The following ATG7 variants were observed in gnomAD, a reference collection of about 807,000 sequenced individuals.
The protein encoded by ATG7 is autophagy related 7, also known as ubiquitin-like modifier-activating enzyme ATG7.
Under a neutral mutation model 82.4 loss-of-function variants are expected in ATG7, and 70 were observed. The observed-to-expected ratio is 0.85, with a 90% CI of 0.70 to 1.04. The LOEUF (loss-of-function observed/expected upper bound fraction) is 1.04, where lower values mean the gene tolerates loss of function less well. Among genes scored for constraint, ATG7 ranks in the 50% least tolerant of loss-of-function variants. ATG7 has a pLI of 0.00. For synonymous variants in ATG7, 287 were observed against 313.0 expected, an observed-to-expected ratio of 0.92 and a Z score of 0.88; for missense variants, 792 against 864.3, an observed-to-expected ratio of 0.92 and a Z score of 1.05.
downstream of ATG7, among the ~76,000 whole-genome samples, chr3:11,561,556 G>T (rs1387582924): frequency 1.3e-5 from 2 of 152,196 alleles, no homozygotes; most frequent in African/African-American, 4.8e-5. Context: ...CCCAGCTGGA[G>T]TCAGGCATCT....
At position 11,403,182 on chromosome 3, in the gene ATG7, C is replaced by A. The variant is rs558367852; in HGVS notation, c.1956+23130C>A. 1.5e-4 allele frequency among the ~76,000 whole-genome samples: 23 copies of A among 152,256 alleles called. No individual in the cohort carries two copies. The South Asian group carries it at 3.5e-3, about 23-fold the overall frequency. On this transcript the variant is annotated intron_variant, in intron 19 of 20. Coordinates refer to ENST00000693202, the MANE Select transcript of ATG7 (RefSeq NM_001349232.2). Reference sequence around the variant, plus strand: ...ACCAGAAAATCCACCCATTGTAAGACTAGAGTCTGATAATTCGTAGTAAAT... The same window carrying A: ...ACCAGAAAATCCACCCATTGTAAGAATAGAGTCTGATAATTCGTAGTAAAT...
chr3:11,526,833 T>G (rs921713527), intron 20 of ATG7, among the ~76,000 whole-genome samples: 10 of 152,134 alleles, frequency 6.6e-5, no homozygotes, highest in Non-Finnish European at 1.3e-4. Context: ...GAATCTAAAG[T>G]TTTACCATTT....
intron 20 of ATG7, chr3:11,529,359 C>T (rs879546665): frequency 2.0e-5 from 3 of 152,102 alleles, no homozygotes; most frequent in Non-Finnish European, 4.4e-5. Context: ...GCTGCTTGCC[C>T]CTCCTACCAC....
intron 3 of ATG7, among the ~76,000 whole-genome samples, chr3:11,289,347 C>G (rs773083844): frequency 6.6e-6 from 1 of 152,156 alleles, no homozygotes; most frequent in Non-Finnish European, 1.5e-5. Context: ...CCAGCTTAAG[C>G]GCTGTAGTGA....
chr3:11,499,521 G>A (rs1039480324), intron 20 of ATG7, among the ~76,000 whole-genome samples: 15 of 152,172 alleles, frequency 9.9e-5, no homozygotes, highest in African/African-American at 2.6e-4. Flanking sequence ...CGAGGAGGGC[G>A]GATCACCTGA....
intron 1 of ATG7, among the ~76,000 whole-genome samples, chr3:11,274,746 C>T (rs1941334083): frequency 6.6e-6 from 1 of 152,054 alleles, no homozygotes; most frequent in South Asian, 2.1e-4. Flanking sequence ...TCAGTTTCCT[C>T]ATCTCTAAGA....
chr3:11,506,275 G>A (rs2091703483), intron 20 of ATG7, among the ~76,000 whole-genome samples: 1 of 152,202 alleles, frequency 6.6e-6, no homozygotes, highest in Admixed American at 6.5e-5. Flanking sequence ...GCACCATCCA[G>A]TGCGGTGGCC....
chr3:11,339,582 A>G (rs567231549), intron 11 of ATG7, among the ~76,000 whole-genome samples: 2 of 152,356 alleles, frequency 1.3e-5, no homozygotes, highest in South Asian at 2.1e-4. Flanking sequence ...GGGATCCACT[A>G]GCAAGATTTA....
intron 3 of ATG7, among the ~76,000 whole-genome samples, chr3:11,294,529 C>T (rs904192944): frequency 1.3e-5 from 2 of 152,120 alleles, no homozygotes; most frequent in Non-Finnish European, 2.9e-5. Flanking sequence ...GGCCAAATCA[C>T]CTGTTTTCCA....
At chr3:11,541,182 G>A (rs2070804732) in intron 20 of ATG7, among the ~76,000 whole-genome samples, 1 of 152,216 alleles carries the variant, frequency 6.6e-6, no homozygotes. Flanking sequence ...TTACAGGCGT[G>A]AGCCATCGCG....
the ATG7 span, among the ~76,000 whole-genome samples, chr3:11,571,897 A>G: frequency 2.6e-5 from 4 of 152,152 alleles, no homozygotes; most frequent in Non-Finnish European, 5.9e-5. Context: ...GCTTTAGCCT[A>G]GGAATTCAAG....
intron 20 of ATG7, among the ~76,000 whole-genome samples, chr3:11,541,288 A>C (rs1008330946): frequency 2.6e-5 from 4 of 152,106 alleles, no homozygotes; most frequent in Non-Finnish European, 1.5e-5. Context: ...ATTTTTCTCT[A>C]TGTGGTTATC....
the ATG7 span, among the ~76,000 whole-genome samples, chr3:11,572,608 T>C: frequency 3.3e-5 from 5 of 152,186 alleles, no homozygotes; most frequent in African/African-American, 1.2e-4. Context: ...ACTGTCGTCC[T>C]CTTGCCACAC....
chr3:11,533,221 A>G (rs1488720716), intron 20 of ATG7, among the ~76,000 whole-genome samples: 5 of 88,226 alleles, frequency 5.7e-5, no homozygotes, highest in African/African-American at 2.7e-4. Context: ...CTGACCCCCA[A>G]GCCCTCCTCT....
chr3:11,429,018 C>T (rs1024070512), intron 20 of ATG7, among the ~76,000 whole-genome samples: 1 of 152,116 alleles, frequency 6.6e-6, no homozygotes, highest in East Asian at 1.9e-4. Flanking sequence ...CATCCACGAG[C>T]CTGAGTTTTC....
At chr3:11,437,374 C>T (rs1351059989) in intron 20 of ATG7, among the ~76,000 whole-genome samples, 3 of 152,078 alleles carry the variant, frequency 2.0e-5, no homozygotes, top group East Asian at 3.9e-4. Flanking sequence ...GCCTACCAAC[C>T]AAATGCCTCC....
chr3:11,371,142 C>T (rs1470662244), intron 18 of ATG7, among the ~76,000 whole-genome samples: 1 of 151,208 alleles, frequency 6.6e-6, no homozygotes, highest in Non-Finnish European at 1.5e-5. Flanking sequence ...GTGCTCTCCT[C>T]CCTCCATTCT....
At chr3:11,465,112 T>TGC (rs1431004305) in intron 20 of ATG7, among the ~76,000 whole-genome samples, 1 of 151,370 alleles carries the variant, frequency 6.6e-6, no homozygotes, top group African/African-American at 2.4e-5. Flanking sequence ...TGTGTGTGTG[T>TGC]GTAAGGACAC....
intron 19 of ATG7, among the ~76,000 whole-genome samples, chr3:11,421,162 T>C (rs780896148): frequency 1.3e-5 from 2 of 152,190 alleles, no homozygotes; most frequent in Non-Finnish European, 2.9e-5. Context: ...GGTGGCCACC[T>C]GATCAGGGTG....
Sources: allele counts gnomAD v4.1 joint callset (sites outside exome capture counted in the v4.1 genomes callset), GRCh38; gene constraint gnomAD v4.1.1; transcripts MANE v1.5; gene names NCBI Gene and HGNC (gene_info 2026-07-23, HGNC 2026-07-21).